Variants in TNFSF4 observed in about 807,000 individuals in gnomAD.
TNFSF4 encodes TNF superfamily member 4.
In TNFSF4, 4 loss-of-function variants were observed where a neutral mutation model predicts 7.3. The ratio of observed to expected loss-of-function variants is 0.55; its 90% confidence interval spans 0.27 to 1.25. TNFSF4 has a LOEUF of 1.25. Ranked by LOEUF, TNFSF4 falls within the 50% of genes most tolerant of loss-of-function variation. The pLI, the probability that TNFSF4 is intolerant of heterozygous loss-of-function variation, is 0.12. For missense variants in TNFSF4, 181 were observed against 208.8 expected, an observed-to-expected ratio of 0.87 and a Z score of 0.82; for synonymous variants, 76 against 83.7, an observed-to-expected ratio of 0.91 and a Z score of 0.50.
At chr1:173,214,187 G>C in the TNFSF4 span, among the ~76,000 whole-genome samples, 1 of 152,066 alleles carries the variant, frequency 6.6e-6, no homozygotes, top group South Asian at 2.1e-4. Context: ...CCTATGAAGC[G>C]GGTACTATTT....
the TNFSF4 span, among the ~76,000 whole-genome samples, chr1:173,213,775 A>G: frequency 6.6e-6 from 1 of 152,346 alleles, no homozygotes; most frequent in East Asian, 1.9e-4. Context: ...AATATATGAG[A>G]CATTAATCCC....
chr1:173,407,152 G>A, the TNFSF4 span, among the ~76,000 whole-genome samples: 1 of 148,068 alleles, frequency 6.8e-6, no homozygotes, highest in African/African-American at 2.5e-5. Flanking sequence ...GGGGAGAAAA[G>A]CAGACCAAAC....
chr1:173,334,327 T>C, the TNFSF4 span, among the ~76,000 whole-genome samples: 1 of 152,118 alleles, frequency 6.6e-6, no homozygotes, highest in Non-Finnish European at 1.5e-5. Flanking sequence ...GAAGCAAGGA[T>C]CTAAGTGACT....
chr1:173,356,379 T>C, the TNFSF4 span, among the ~76,000 whole-genome samples: 1 of 152,184 alleles, frequency 6.6e-6, no homozygotes, highest in Middle Eastern at 3.2e-3. Context: ...AAACCACAAA[T>C]GGAGTTGAAA....
At chr1:173,253,268 T>C in the TNFSF4 span, among the ~76,000 whole-genome samples, 12 of 152,222 alleles carry the variant, frequency 7.9e-5, no homozygotes, top group Admixed American at 1.3e-4. Context: ...CCCATTTATC[T>C]GGGAGGGAGG....
chr1:173,323,583 C>T, the TNFSF4 span, among the ~76,000 whole-genome samples: 2 of 151,972 alleles, frequency 1.3e-5, no homozygotes, highest in African/African-American at 4.8e-5. Flanking sequence ...GGAGGAAGTT[C>T]GAACCAATGG....
At chr1:173,285,203 G>A in the TNFSF4 span, among the ~76,000 whole-genome samples, 2 of 152,060 alleles carry the variant, frequency 1.3e-5, no homozygotes, top group African/African-American at 4.8e-5. Context: ...AAGTATTACG[G>A]ATGTGGTAGA....
At chr1:173,429,153 C>T in the TNFSF4 span, among the ~76,000 whole-genome samples, 140 of 152,176 alleles carry the variant, frequency 9.2e-4, no homozygotes, top group Non-Finnish European at 5.4e-4. Context: ...ACTTATTACA[C>T]TATTATCTCT....
At chr1:173,431,109 T>C in the TNFSF4 span, among the ~76,000 whole-genome samples, 1 of 152,246 alleles carries the variant, frequency 6.6e-6, no homozygotes, top group African/African-American at 2.4e-5. Flanking sequence ...CTAAAGGGCA[T>C]GTTATTTGTA....
the TNFSF4 span, among the ~76,000 whole-genome samples, chr1:173,394,250 C>G: frequency 6.7e-6 from 1 of 149,176 alleles, no homozygotes; most frequent in African/African-American, 2.5e-5. Context: ...TAACATCACT[C>G]CTAAAAATAT....
chr1:173,275,786 C>A, the TNFSF4 span, among the ~76,000 whole-genome samples: 7 of 152,144 alleles, frequency 4.6e-5, no homozygotes, highest in Admixed American at 2.0e-4. Context: ...TTGACAGAGG[C>A]TTTGGGGTTT....
At chr1:173,218,567 T>C in the TNFSF4 span, among the ~76,000 whole-genome samples, 1 of 150,368 alleles carries the variant, frequency 6.7e-6, no homozygotes, top group African/African-American at 2.5e-5. Flanking sequence ...CTTCCATCCC[T>C]GCCCCAGATA....
At chr1:173,253,468 A>G in the TNFSF4 span, among the ~76,000 whole-genome samples, 1 of 152,192 alleles carries the variant, frequency 6.6e-6, no homozygotes, top group Admixed American at 6.5e-5. Flanking sequence ...AAAAAAGTAA[A>G]GTTGGGAGTT....
At chr1:173,271,562 G>A in the TNFSF4 span, among the ~76,000 whole-genome samples, 98 of 152,092 alleles carry the variant, frequency 6.4e-4, no homozygotes, top group Non-Finnish European at 6.2e-4. Context: ...CTTCTCAAAC[G>A]AAGACATTTA....
the TNFSF4 span, among the ~76,000 whole-genome samples, chr1:173,275,174 G>C: frequency 6.6e-6 from 1 of 152,148 alleles, no homozygotes; most frequent in Admixed American, 6.5e-5. Flanking sequence ...ATGTCCCTTT[G>C]TCCCTAAGTC....
chr1:173,361,138 A>C, the TNFSF4 span, among the ~76,000 whole-genome samples: 1 of 152,214 alleles, frequency 6.6e-6, no homozygotes, highest in Non-Finnish European at 1.5e-5. Context: ...TCCCCTTAAA[A>C]GCATGCTTGA....
At chr1:173,269,800 T>A in the TNFSF4 span, among the ~76,000 whole-genome samples, 1 of 152,216 alleles carries the variant, frequency 6.6e-6, no homozygotes, top group Admixed American at 6.5e-5. Flanking sequence ...CTACAGAAAG[T>A]TTAGATAAAA....
the TNFSF4 span, among the ~76,000 whole-genome samples, chr1:173,427,812 A>T: frequency 6.6e-6 from 1 of 152,180 alleles, no homozygotes; most frequent in African/African-American, 2.4e-5. Context: ...ACAGCATGTT[A>T]CTGTACTGAA....
chr1:173,405,761 C>G, the TNFSF4 span, among the ~76,000 whole-genome samples: 1 of 152,178 alleles, frequency 6.6e-6, no homozygotes, highest in Non-Finnish European at 1.5e-5. Context: ...AATTCTGGCC[C>G]TAAACATCTC....
Sources: gnomAD v4.1 joint callset for allele counts (sites outside exome capture counted in the v4.1 genomes callset) on GRCh38, gnomAD v4.1.1 for gene constraint, MANE v1.5 for transcripts, NCBI Gene and HGNC (gene_info 2026-07-23, HGNC 2026-07-21) for gene names.